The following CUL2 variants were observed in gnomAD, a reference collection of about 807,000 sequenced individuals.
CUL2 encodes cullin 2.
CUL2 carries 22 observed loss-of-function variants against 110.2 expected under a neutral mutation model. That is an observed-to-expected ratio of 0.20 (90% CI 0.14 to 0.28). CUL2 has a LOEUF of 0.28. CUL2 is among the 10% of genes least tolerant of loss of function. The pLI, the probability that CUL2 is intolerant of heterozygous loss-of-function variation, is 1.00. For synonymous variants in CUL2, 279 were observed against 293.2 expected (o/e 0.95, Z 0.49); for missense variants, 631 against 905.5 (o/e 0.70, Z 3.89).
At chr10:35,026,171 T>TGCA (rs1000456020) in intron 16 of CUL2, among the ~76,000 whole-genome samples, 44 of 152,316 alleles carry the variant, frequency 2.9e-4, no homozygotes, top group Admixed American at 2.5e-3. Context: ...CCTCTAATGG[T>TGCA]GCAGCATCCT....
chr10:35,067,491 T>C lies in CUL2; in HGVS notation c.119+3708A>G, dbSNP rs1394870183. Among the ~76,000 whole-genome samples, 5 of 152,260 alleles carry C rather than the reference T, an allele frequency of 3.3e-5. No homozygotes were observed. The East Asian group carries it at 9.6e-4, about 29-fold the overall frequency. ...TTGGCCGGTCACAGTGGCTCATACC[T>C]ATAATCTCAGAACTTTAGGAGGCTG... On this transcript the variant is annotated intron_variant, in intron 2 of 20. Coordinates refer to ENST00000374749, the MANE Select transcript of CUL2 (RefSeq NM_003591.4).
chr10:35,076,192 G>T lies in CUL2; in HGVS notation c.-22-4853C>A, dbSNP rs11010085. Among the ~76,000 whole-genome samples the T allele has an allele frequency of 1.9e-3, 286 of 152,196 alleles. 7 individuals are homozygous for T. In the East Asian group the frequency reaches 0.05, roughly 27 times the overall value. On this transcript the variant is annotated intron_variant, in intron 1 of 20. Transcript: ENST00000374749. Reference sequence around the variant, plus strand: ...GCCACAAAATAGCCACATAACGTATGAATCTATTTATATAGATTATCAAGA... The same window carrying T: ...GCCACAAAATAGCCACATAACGTATTAATCTATTTATATAGATTATCAAGA...
At chr10:35,037,938 G>A (rs1297331413) in intron 9 of CUL2, among the ~76,000 whole-genome samples, 1 of 152,006 alleles carries the variant, frequency 6.6e-6, no homozygotes, top group Non-Finnish European at 1.5e-5. Context: ...CAGATTATCT[G>A]AGGTCAGGAG....
intron 2 of CUL2, among the ~76,000 whole-genome samples, chr10:35,067,016 G>A (rs1674410855): frequency 6.6e-6 from 1 of 151,972 alleles, no homozygotes; most frequent in Admixed American, 6.6e-5. Flanking sequence ...AGGTGTGGTA[G>A]CGCATGCCTG....
chr10:35,122,040 T>A (rs913397532), intron 1 of CUL2, among the ~76,000 whole-genome samples: 2 of 152,174 alleles, frequency 1.3e-5, no homozygotes, highest in Non-Finnish European at 2.9e-5. Flanking sequence ...CACAGAACTG[T>A]TAACTCTCTA....
At chr10:35,114,644 G>A (rs997990434) in intron 1 of CUL2, among the ~76,000 whole-genome samples, 1 of 151,986 alleles carries the variant, frequency 6.6e-6, no homozygotes, top group Middle Eastern at 3.2e-3. Context: ...GCCTCCCAAA[G>A]TGCTGGGATT....
chr10:35,035,160 C>T lies in CUL2; in HGVS notation c.1002+12G>A. ...TTAGGAGGAAAACATTGCAGTTTCC[C>T]ACACAACTCACGTTTTCCTGAGTAA... is the stretch of plus-strand genomic sequence containing the variant. On this transcript the variant is annotated intron_variant, in intron 10 of 20. Coordinates refer to ENST00000374749, the MANE Select transcript of CUL2 (RefSeq NM_003591.4). 1 of 1,614,082 alleles carries T rather than the reference C, an allele frequency of 6.2e-7. No homozygotes were observed. Among genetic ancestry groups the T allele is most frequent in the Non-Finnish European group, 8.5e-7 (1 of 1,179,954 alleles).
At chr10:35,113,391 G>C (rs969426369) in intron 1 of CUL2, among the ~76,000 whole-genome samples, 1 of 148,636 alleles carries the variant, frequency 6.7e-6, no homozygotes, top group Non-Finnish European at 1.5e-5. Context: ...CCAGCTACTC[G>C]GGAGGCTGGG....
intron 17 of CUL2, among the ~76,000 whole-genome samples, chr10:35,021,890 G>C (rs1266481706): frequency 7.3e-6 from 1 of 137,416 alleles, no homozygotes; most frequent in Non-Finnish European, 1.6e-5. Flanking sequence ...GTGAGGTGGG[G>C]TGAGGTGGGG....
intron 17 of CUL2, among the ~76,000 whole-genome samples, chr10:35,019,061 ACT>A (rs1564697089): frequency 6.6e-6 from 1 of 152,088 alleles, no homozygotes; most frequent in East Asian, 1.9e-4. Flanking sequence ...TATAAAAAGG[ACT>A]CTTATCAACA....
At position 35,025,118 on chromosome 10, in the gene CUL2, T is replaced by C; in HGVS notation, c.1684+14A>G. 1 of 1,488,338 alleles carries C rather than the reference T, an allele frequency of 6.7e-7. No homozygotes were observed. The highest frequency in any genetic ancestry group is 1.4e-5 in the African/African-American group (1 of 69,348). The allele number at this position is 1,488,338 out of a possible 1,614,324, so 92.2% of individuals were successfully genotyped here. A position where few individuals can be genotyped will look rare whatever the true frequency, so the allele number is the denominator to read the frequency against. On this transcript the variant is annotated intron_variant, in intron 17 of 20. Transcript: ENST00000374749. ...TAAATTTCATTAAGCCAGATATAAT[T>C]AAATGCATTTTACCTGTACACAGAT...
chr10:35,058,937 G>A (rs1589015369), intron 4 of CUL2, among the ~76,000 whole-genome samples: 1 of 152,138 alleles, frequency 6.6e-6, no homozygotes, highest in South Asian at 2.1e-4. Flanking sequence ...GATGAGTTAG[G>A]GGGTCAAGAC....
At chr10:35,015,812 A>G (rs929643321) in intron 18 of CUL2, among the ~76,000 whole-genome samples, 8 of 152,252 alleles carry the variant, frequency 5.3e-5, no homozygotes, top group African/African-American at 1.7e-4. Context: ...ACAGACATCA[A>G]CAGGCTGTCA....
At chr10:35,057,150 G>T (rs2086258605) in intron 4 of CUL2, among the ~76,000 whole-genome samples, 1 of 152,172 alleles carries the variant, frequency 6.6e-6, no homozygotes, top group African/African-American at 2.4e-5. Context: ...CTGCAGATCA[G>T]GCCTGCATTC....
chr10:35,037,314 G>A (rs1436588395), intron 9 of CUL2, among the ~76,000 whole-genome samples: 1 of 152,140 alleles, frequency 6.6e-6, no homozygotes, highest in Non-Finnish European at 1.5e-5. Context: ...CGCCACCTTG[G>A]TCTTACATCA....
At chr10:35,083,454 T>C (rs143680505) in intron 1 of CUL2, among the ~76,000 whole-genome samples, 58 of 152,278 alleles carry the variant, frequency 3.8e-4, no homozygotes, top group African/African-American at 1.1e-3. Flanking sequence ...TGGGCACACA[T>C]AGAACTTAGA....
intron 8 of CUL2, among the ~76,000 whole-genome samples, chr10:35,043,029 A>G (rs2085835512): frequency 6.6e-6 from 1 of 151,926 alleles, no homozygotes; most frequent in Non-Finnish European, 1.5e-5. Context: ...AGAGAGCCAC[A>G]CCTTTGTTTA....
intron 17 of CUL2, 77 bp downstream of exon 17, chr10:35,025,055 C>A: frequency 7.2e-7 from 1 of 1,385,250 alleles, no homozygotes; most frequent in Non-Finnish European, 9.4e-7. Context: ...GTAATTGGGC[C>A]ATAGAAAACC....
chr10:35,020,677 C>T (rs2085159108), intron 17 of CUL2, among the ~76,000 whole-genome samples: 1 of 152,156 alleles, frequency 6.6e-6, no homozygotes. Flanking sequence ...TCTTGCTCTG[C>T]CACAAATAAA....
Sources: gnomAD v4.1 joint callset for allele counts (sites outside exome capture counted in the v4.1 genomes callset) on GRCh38, gnomAD v4.1.1 for gene constraint, MANE v1.5 for transcripts, NCBI Gene and HGNC (gene_info 2026-07-23, HGNC 2026-07-21) for gene names.